Variants in NFIA observed in about 807,000 individuals in gnomAD.
The protein encoded by NFIA is nuclear factor 1 A-type.
Under a neutral mutation model 62.8 loss-of-function variants are expected in NFIA, and 8 were observed. The ratio of observed to expected loss-of-function variants is 0.13; its 90% CI spans 0.07 to 0.23. The LOEUF (loss-of-function observed/expected upper bound fraction) is 0.23, where lower values mean the gene tolerates loss of function less well. Ranked by LOEUF, NFIA falls within the 10% of genes least tolerant of loss-of-function variation. NFIA has a pLI of 1.00. For synonymous variants in NFIA, 235 were observed against 238.1 expected (o/e 0.99, Z 0.12); for missense variants, 410 against 642.1 (o/e 0.64, Z 3.91).
chr1:61,096,065 G>T (rs1431965030), intron 2 of NFIA, among the ~76,000 whole-genome samples: 1 of 151,938 alleles, frequency 6.6e-6, no homozygotes, highest in African/African-American at 2.4e-5. Flanking sequence ...GGCTGTGTGT[G>T]TAATTATTTA....
At chr1:61,251,007 A>G (rs1431600789) in intron 2 of NFIA, 1 of 152,130 alleles carries the variant, frequency 6.6e-6, no homozygotes, top group African/African-American at 2.4e-5. Flanking sequence ...GAGAGCCTTC[A>G]TTTCTCTTAT....
At position 61,434,079 on chromosome 1, in the gene NFIA, G is replaced by A. The variant is rs373132818; in HGVS notation, c.1512+7523G>A. 2.5e-3 allele frequency among the ~76,000 whole-genome samples: 386 copies of A among 152,308 alleles called. 1 individual carries two copies. The highest frequency in any genetic ancestry group is 7.7e-3 in the African/African-American group (320 of 41,566). On this transcript the variant is annotated intron_variant, in intron 10 of 10. Coordinates refer to ENST00000403491, the MANE Select transcript of NFIA (RefSeq NM_001134673.4). ...AATTGGGCACAGCTATTCTTCCCTT[G>A]TACAGGCAGCAGTCTAAGTGTACCA... is the stretch of plus-strand genomic sequence containing the variant.
intron 3 of NFIA, among the ~76,000 whole-genome samples, chr1:61,326,354 A>G (rs1327413787): frequency 6.6e-6 from 1 of 152,216 alleles, no homozygotes; most frequent in Non-Finnish European, 1.5e-5. Flanking sequence ...TGGAGGGAAT[A>G]TGTGGATGGT....
chr1:61,433,420 A>G (rs1192807126), intron 10 of NFIA, among the ~76,000 whole-genome samples: 1 of 151,926 alleles, frequency 6.6e-6, no homozygotes, highest in Non-Finnish European at 1.5e-5. Context: ...ACTTAGAAGC[A>G]TTCTGTGTGT....
At chr1:61,356,940 G>C (rs1662986240) in intron 5 of NFIA, among the ~76,000 whole-genome samples, 2 of 152,138 alleles carry the variant, frequency 1.3e-5, no homozygotes, top group Non-Finnish European at 2.9e-5. Flanking sequence ...CCATTTTCCT[G>C]TTTTCCCCTT....
At chr1:61,106,644 A>G (rs1191467991) in intron 2 of NFIA, among the ~76,000 whole-genome samples, 3 of 151,812 alleles carry the variant, frequency 2.0e-5, no homozygotes, top group African/African-American at 7.2e-5. Context: ...TATTGTAACA[A>G]ACATTCCTGG....
chr1:61,360,254 T>C (rs1157724227), intron 6 of NFIA, among the ~76,000 whole-genome samples: 2 of 152,178 alleles, frequency 1.3e-5, no homozygotes, highest in Admixed American at 6.5e-5. Context: ...CCCTTTCCAA[T>C]GTCTAACACG....
At chr1:61,334,555 G>GTGTGTGTGTGTGTGTGTATA (rs1470465999) in intron 4 of NFIA, among the ~76,000 whole-genome samples, 1 of 97,500 alleles carries the variant, frequency 1.0e-5, no homozygotes, top group African/African-American at 3.8e-5. Flanking sequence ...GTGTGTGTGT[G>GTGTGTGTGTGTGTGTGTATA]TATATATATA....
intron 7 of NFIA, 114 bp downstream of exon 7, chr1:61,383,479 T>G: frequency 7.7e-7 from 1 of 1,304,400 alleles, no homozygotes. Context: ...CAGTGAGTGT[T>G]CCAATTTCTT....
At chr1:61,302,752 C>G (rs913836362) in intron 3 of NFIA, among the ~76,000 whole-genome samples, 2 of 152,082 alleles carry the variant, frequency 1.3e-5, no homozygotes, top group Admixed American at 1.3e-4. Flanking sequence ...GAAAAAACAT[C>G]CACAAACAAA....
intron 2 of NFIA, among the ~76,000 whole-genome samples, chr1:61,174,780 G>A (rs568834597): frequency 6.6e-6 from 1 of 152,330 alleles, no homozygotes; most frequent in Non-Finnish European, 1.5e-5. Flanking sequence ...AAAAGGATGA[G>A]AAGACACAGA....
intron 3 of NFIA, among the ~76,000 whole-genome samples, chr1:61,299,940 A>G (rs1456248165): frequency 2.0e-5 from 3 of 152,096 alleles, no homozygotes; most frequent in Non-Finnish European, 2.9e-5. Flanking sequence ...AATGTTTTAT[A>G]CTCATGAGAT....
chr1:61,271,170 A>C (rs761945377), intron 2 of NFIA, among the ~76,000 whole-genome samples: 4 of 152,162 alleles, frequency 2.6e-5, no homozygotes, highest in African/African-American at 7.2e-5. Context: ...TCCTCCCCTC[A>C]CTGTCATAAC....
intron 3 of NFIA, among the ~76,000 whole-genome samples, chr1:61,314,540 GATT>G (rs1280581222): frequency 4.6e-5 from 7 of 152,088 alleles, no homozygotes; most frequent in Non-Finnish European, 7.4e-5. Context: ...GATTCCACCT[GATT>G]ATTACTTACA....
intron 2 of NFIA, among the ~76,000 whole-genome samples, chr1:61,112,815 T>G (rs1646725635): frequency 6.6e-6 from 1 of 152,182 alleles, no homozygotes; most frequent in Admixed American, 6.6e-5. Flanking sequence ...GGCCTAACAT[T>G]CATTTCATAT....
intron 2 of NFIA, among the ~76,000 whole-genome samples, chr1:61,183,790 A>C (rs965308282): frequency 1.3e-5 from 2 of 152,164 alleles, no homozygotes; most frequent in Non-Finnish European, 2.9e-5. Flanking sequence ...TTAGCCAAAG[A>C]GGATATGTCC....
intron 6 of NFIA, among the ~76,000 whole-genome samples, chr1:61,363,475 A>T (rs1018246264): frequency 4.6e-5 from 7 of 152,056 alleles, no homozygotes; most frequent in African/African-American, 1.7e-4. Flanking sequence ...ATGGTGCTGC[A>T]TGCCTATAAT....
intron 7 of NFIA, among the ~76,000 whole-genome samples, chr1:61,391,876 A>G (rs1240134109): frequency 6.6e-6 from 1 of 152,260 alleles, no homozygotes; most frequent in Non-Finnish European, 1.5e-5. Context: ...CTCCTGGTTT[A>G]GTGCAATTGA....
chr1:61,082,895 G>A, intron 1 of NFIA, 77 bp downstream of exon 1: 2 of 1,429,930 alleles, frequency 1.4e-6, no homozygotes, highest in Non-Finnish European at 1.8e-6. Flanking sequence ...GGGGGGCACC[G>A]GGGCCGTCGC....
Sources: gnomAD v4.1 joint callset for allele counts (sites outside exome capture counted in the v4.1 genomes callset) on GRCh38, gnomAD v4.1.1 for gene constraint, MANE v1.5 for transcripts, NCBI Gene and HGNC (gene_info 2026-07-23, HGNC 2026-07-21) for gene names.